The following KDM7A variants were observed in gnomAD, a reference collection of about 807,000 sequenced individuals.
KDM7A encodes lysine-specific demethylase 7A.
Under a neutral mutation model 114.8 loss-of-function variants are expected in KDM7A, and 28 were observed. The ratio of observed to expected loss-of-function variants is 0.24; its 90% CI spans 0.18 to 0.33. KDM7A has a LOEUF of 0.33. Ranked by LOEUF, KDM7A falls within the 10% of genes least tolerant of loss-of-function variation. The pLI, the probability that KDM7A is intolerant of heterozygous loss-of-function variation, is 1.00. For missense variants in KDM7A, 942 were observed against 1,142.5 expected, an observed-to-expected ratio of 0.82 and a Z score of 2.53; for synonymous variants, 423 against 397.8, an observed-to-expected ratio of 1.06 and a Z score of -0.75.
At chr7:140,129,002 C>T (rs910566918) in intron 4 of KDM7A, among the ~76,000 whole-genome samples, 7 of 152,162 alleles carry the variant, frequency 4.6e-5, no homozygotes, top group African/African-American at 1.4e-4. Context: ...GCAATATTCA[C>T]CAAGTCATTA....
At chr7:140,126,516 TAAA>T (rs11303092) in intron 6 of KDM7A, 118 bp downstream of exon 6, 424 of 405,926 alleles carry the variant, frequency 1.0e-3, no homozygotes, top group Middle Eastern at 2.8e-3. Context: ...GGTTAAAAAG[TAAA>T]AAAAAAAAAA....
At chr7:140,106,973 T>C (rs1302141473) in intron 11 of KDM7A, among the ~76,000 whole-genome samples, 2 of 152,240 alleles carry the variant, frequency 1.3e-5, no homozygotes, top group Non-Finnish European at 2.9e-5. Context: ...GGTGCATATA[T>C]ATTTAGGATA....
intron 12 of KDM7A, among the ~76,000 whole-genome samples, chr7:140,100,697 T>TATACACAC (rs1818195473): frequency 1.3e-5 from 1 of 77,432 alleles, no homozygotes; most frequent in African/African-American, 6.0e-5. Context: ...TACATATATA[T>TATACACAC]ATATATATAT....
rs1368356109 is a variant in KDM7A, at chr7:140,171,580, TA to T, written c.194+5163del. The stretch of plus-strand genomic sequence containing the variant: ...TTATTTTTATATATTTATATATATA[TA>T]TTTTTATATAGTTGTATTTATATAT... On this transcript the variant is annotated intron_variant, in intron 1 of 19. Transcript: ENST00000397560. Among the ~76,000 whole-genome samples, 84 of 141,670 alleles carry T rather than the reference TA, an allele frequency of 5.9e-4. No individual in the cohort carries two copies. The South Asian group carries it at 9.7e-3, about 16-fold the overall frequency. 92.9% of individuals were successfully genotyped at this position (141,670 alleles called of 152,430 possible). A position where few individuals can be genotyped will look rare whatever the true frequency, so the allele number is the denominator to read the frequency against.
At chr7:140,175,822 GGCGCCC>G (rs1181263753) in intron 1 of KDM7A, among the ~76,000 whole-genome samples, 1 of 32 alleles carries the variant, frequency 0.031, no homozygotes. Context: ...CGCCGGCACC[GGCGCCC>G]GGGCACAGCC....
intron 1 of KDM7A, among the ~76,000 whole-genome samples, chr7:140,143,408 A>C (rs913246816): frequency 5.3e-5 from 8 of 152,148 alleles, no homozygotes; most frequent in Non-Finnish European, 8.8e-5. Flanking sequence ...ACATGGGTGT[A>C]TATTTTATAA....
At chr7:140,158,325 A>G (rs1794481542) in intron 1 of KDM7A, among the ~76,000 whole-genome samples, 1 of 152,216 alleles carries the variant, frequency 6.6e-6, no homozygotes, top group Admixed American at 6.5e-5. Flanking sequence ...CCCATCTTAC[A>G]CAAGGATAGT....
chr7:140,093,786 T>C (rs1818061200), intron 18 of KDM7A, among the ~76,000 whole-genome samples: 2 of 152,232 alleles, frequency 1.3e-5, no homozygotes, highest in Non-Finnish European at 2.9e-5. Flanking sequence ...TAACCAGATA[T>C]AACCTACATG....
intron 8 of KDM7A, 99 bp from the exon 9 acceptor site, chr7:140,119,318 A>G: frequency 3.4e-6 from 2 of 580,068 alleles, no homozygotes; most frequent in Non-Finnish European, 6.1e-6. Context: ...CATGATATGT[A>G]AGACCAATAA....
At position 140,144,054 on chromosome 7, in the gene KDM7A, G is replaced by A. The variant is rs191604552; in HGVS notation, c.195-4864C>T. Among the ~76,000 whole-genome samples the A allele has an allele frequency of 9.9e-5, 15 of 152,212 alleles. No homozygotes were observed. In the East Asian group the frequency reaches 2.7e-3, roughly 27 times the overall value. ...TTATAAGAAACTCAAAAAGGTTCCT[G>A]TAACCCAAAGAAAAGGTTAAGAATC... On this transcript the variant is annotated intron_variant, in intron 1 of 19. Coordinates refer to ENST00000397560, the MANE Select transcript of KDM7A (RefSeq NM_030647.2).
At chr7:140,109,635 T>C (rs1260317817) in intron 11 of KDM7A, among the ~76,000 whole-genome samples, 1 of 152,248 alleles carries the variant, frequency 6.6e-6, no homozygotes, top group African/African-American at 2.4e-5. Context: ...TTCCCTGTAG[T>C]TATTTGCCTC....
chr7:140,144,627 G>A (rs1004818750), intron 1 of KDM7A, among the ~76,000 whole-genome samples: 10 of 151,982 alleles, frequency 6.6e-5, no homozygotes, highest in African/African-American at 1.7e-4. Flanking sequence ...TCTGTAGAAC[G>A]AAAGACTAAG....
intron 3 of KDM7A, among the ~76,000 whole-genome samples, chr7:140,131,491 G>A (rs993896511): frequency 6.6e-6 from 1 of 152,110 alleles, no homozygotes; most frequent in African/African-American, 2.4e-5. Context: ...CTGAATTACT[G>A]GGCTCTGATC....
Position 140,096,748 on chromosome 7 carries a change from C to T in KDM7A, c.2181G>A (p.Ser727=), listed in dbSNP as rs1474663906. ...GAATAGCTTCTTCCTCTGTGCTCGT[C>T]GAGGTAGGACATTCCCTAAAGAAGA... The part of the protein sequence containing the change: ...EIPIKRECPT[S]TSTEEEAIQG... Residue 727 remains serine, a synonymous_variant, in exon 17 of 20, where the codon TCG becomes TCA. Transcript: ENST00000397560. 3.0e-5 allele frequency: 49 copies of T among 1,613,746 alleles called. No homozygotes were observed. The highest frequency in any genetic ancestry group is 1.6e-4 in the Middle Eastern group (1 of 6,082).
intron 1 of KDM7A, among the ~76,000 whole-genome samples, chr7:140,175,095 T>C (rs964340540): frequency 6.6e-6 from 1 of 152,212 alleles, no homozygotes; most frequent in African/African-American, 2.4e-5. Context: ...GGAAATAGAA[T>C]TGGATATACA....
chr7:140,105,569 T>A (rs1818322500), intron 11 of KDM7A, among the ~76,000 whole-genome samples: 1 of 152,260 alleles, frequency 6.6e-6, no homozygotes, highest in Non-Finnish European at 1.5e-5. Flanking sequence ...TCTTCGGTTC[T>A]GTTTATATGA....
At chr7:140,102,305 A>T in intron 11 of KDM7A, 145 bp from the exon 12 acceptor site, 1 of 641,098 alleles carries the variant, frequency 1.6e-6, no homozygotes. Context: ...CCTAAGCTTC[A>T]AACAGCTTTG....
intron 1 of KDM7A, among the ~76,000 whole-genome samples, chr7:140,166,436 C>T (rs549734933): frequency 8.9e-4 from 133 of 149,726 alleles, no homozygotes; most frequent in Non-Finnish European, 1.8e-3. Context: ...ACCTCCCAAG[C>T]TCAAGCAATC....
intron 1 of KDM7A, among the ~76,000 whole-genome samples, chr7:140,152,962 C>T (rs972995509): frequency 7.2e-5 from 11 of 151,792 alleles, no homozygotes; most frequent in African/African-American, 1.2e-4. Context: ...TGGGTTCAAG[C>T]GATTCTTGTG....
Sources: allele counts gnomAD v4.1 joint callset (sites outside exome capture counted in the v4.1 genomes callset), GRCh38; gene constraint gnomAD v4.1.1; transcripts MANE v1.5; gene names NCBI Gene and HGNC (gene_info 2026-07-23, HGNC 2026-07-21).